Variants in PTPRD observed in about 807,000 individuals in gnomAD.
PTPRD encodes the protein protein tyrosine phosphatase receptor type D, also known as receptor-type tyrosine-protein phosphatase delta.
Under a neutral mutation model 214.5 loss-of-function variants are expected in PTPRD, and 34 were observed. The ratio of observed to expected loss-of-function variants is 0.16; its 90% confidence interval spans 0.12 to 0.21. PTPRD has a LOEUF of 0.21. Ranked by LOEUF, PTPRD falls within the 10% of genes least tolerant of loss-of-function variation. The probability of loss-of-function intolerance (pLI) is 1.00; values close to 1 mark genes in which losing one functional copy is unlikely to be tolerated. For synonymous variants in PTPRD, 1,128 were observed against 845.7 expected (o/e 1.33, Z -5.79); for missense variants, 2,545 against 2,398.7 (o/e 1.06, Z -1.27).
intron 3 of PTPRD, among the ~76,000 whole-genome samples, chr9:10,094,814 C>G (rs1445744072): frequency 6.6e-6 from 1 of 151,338 alleles, no homozygotes; most frequent in Admixed American, 6.6e-5. Context: ...TTTTGACAAC[C>G]AACAGTGAAA....
chr9:9,166,072 C>G (rs1444083208), intron 10 of PTPRD, among the ~76,000 whole-genome samples: 1 of 150,758 alleles, frequency 6.6e-6, no homozygotes, highest in African/African-American at 2.4e-5. Flanking sequence ...CTTTAACTCA[C>G]AAAACATAGT....
chr9:10,247,924 C>A lies in PTPRD; in HGVS notation c.-545+93039G>T, dbSNP rs73400329. 9.0e-3 allele frequency among the ~76,000 whole-genome samples: 1,372 copies of A among 152,108 alleles called. 15 individuals are homozygous for A. Among genetic ancestry groups the A allele is most frequent in the African/African-American group, 0.031 (1,302 of 41,498 alleles). On this transcript the variant is annotated intron_variant, in intron 3 of 45. Transcript: ENST00000381196. ...ATTCCTATGTGTTATGGGAGGGACC[C>A]AGTGATAGACGATTGAATTATGGGG...
intron 2 of PTPRD, among the ~76,000 whole-genome samples, chr9:10,544,413 T>C (rs1172986776): frequency 6.6e-6 from 1 of 152,042 alleles, no homozygotes; most frequent in Non-Finnish European, 1.5e-5. Flanking sequence ...CTTTTCATTG[T>C]TGCTTTTTTC....
intron 43 of PTPRD, among the ~76,000 whole-genome samples, chr9:8,335,719 G>T (rs974778618): frequency 1.2e-4 from 18 of 152,166 alleles, no homozygotes; most frequent in Admixed American, 3.3e-4. Context: ...GTTTGCAGAT[G>T]ACATGATTGT....
chr9:10,184,998 G>T (rs1339296593), intron 3 of PTPRD, among the ~76,000 whole-genome samples: 1 of 152,052 alleles, frequency 6.6e-6, no homozygotes, highest in Admixed American at 6.6e-5. Context: ...AACCTTTTGT[G>T]TAAAAAATCA....
chr9:9,974,351 G>C (rs910151595), intron 4 of PTPRD, among the ~76,000 whole-genome samples: 2 of 152,096 alleles, frequency 1.3e-5, no homozygotes, highest in African/African-American at 4.8e-5. Context: ...TCTGCACCAA[G>C]CCTTTCTCCT....
intron 11 of PTPRD, among the ~76,000 whole-genome samples, chr9:8,769,922 A>C (rs2095067688): frequency 6.6e-6 from 1 of 152,166 alleles, no homozygotes; most frequent in Non-Finnish European, 1.5e-5. Context: ...ATTCACGTAA[A>C]TAGGAATAAG....
At chr9:10,098,158 G>C (rs1260480223) in intron 3 of PTPRD, among the ~76,000 whole-genome samples, 9 of 151,600 alleles carry the variant, frequency 5.9e-5, no homozygotes, top group East Asian at 2.0e-4. Context: ...GAATACTATG[G>C]AGCCATAAAA....
chr9:9,928,620 T>G (rs2085189579), intron 5 of PTPRD, among the ~76,000 whole-genome samples: 4 of 152,160 alleles, frequency 2.6e-5, no homozygotes. Context: ...CCATTACTAC[T>G]GTTATTAGAA....
At chr9:9,394,335 T>A (rs975667069) in intron 9 of PTPRD, among the ~76,000 whole-genome samples, 1 of 152,150 alleles carries the variant, frequency 6.6e-6, no homozygotes, top group Non-Finnish European at 1.5e-5. Flanking sequence ...GAAGATATTT[T>A]ATTGCCTTTA....
intron 2 of PTPRD, among the ~76,000 whole-genome samples, chr9:10,362,996 A>T (rs941848755): frequency 1.3e-5 from 2 of 152,192 alleles, no homozygotes; most frequent in African/African-American, 4.8e-5. Flanking sequence ...TTGGAATAGA[A>T]GTCTGCTATT....
chr9:8,331,041 T>C (rs1006609798), intron 44 of PTPRD, among the ~76,000 whole-genome samples: 4 of 150,630 alleles, frequency 2.7e-5, no homozygotes, highest in African/African-American at 9.9e-5. Context: ...AGTTATAAAA[T>C]GCTCTAGAAA....
intron 7 of PTPRD, among the ~76,000 whole-genome samples, chr9:9,708,541 T>C (rs1191223891): frequency 1.3e-5 from 2 of 152,082 alleles, no homozygotes; most frequent in Non-Finnish European, 2.9e-5. Flanking sequence ...AGCTAATCAC[T>C]GTCATTGAGT....
chr9:10,149,717 C>G (rs1450170021), intron 3 of PTPRD, among the ~76,000 whole-genome samples: 1 of 151,718 alleles, frequency 6.6e-6, no homozygotes, highest in Non-Finnish European at 1.5e-5. Context: ...TGGCACAATA[C>G]CTTGTCTTTT....
chr9:9,246,803 C>A (rs115268564), intron 9 of PTPRD, among the ~76,000 whole-genome samples: 2 of 152,024 alleles, frequency 1.3e-5, no homozygotes, highest in Admixed American at 1.3e-4. Flanking sequence ...AATTTCTGGA[C>A]TGTGAAACTT....
At chr9:8,671,822 T>C (rs2097294040) in intron 12 of PTPRD, among the ~76,000 whole-genome samples, 2 of 152,276 alleles carry the variant, frequency 1.3e-5, no homozygotes, top group Admixed American at 6.5e-5. Context: ...GAACTGTATC[T>C]AGAAAGGACC....
At chr9:10,272,585 T>C (rs1374906508) in intron 3 of PTPRD, among the ~76,000 whole-genome samples, 1 of 152,208 alleles carries the variant, frequency 6.6e-6, no homozygotes, top group African/African-American at 2.4e-5. Context: ...AACCTATATA[T>C]TTTGTTAAGA....
chr9:10,600,917 AG>A (rs1470997570), intron 2 of PTPRD, among the ~76,000 whole-genome samples: 8 of 151,942 alleles, frequency 5.3e-5, no homozygotes, highest in Middle Eastern at 3.4e-3. Flanking sequence ...AACAGAGAAA[AG>A]GCAATTATAA....
At chr9:10,583,332 A>T (rs2072684138) in intron 2 of PTPRD, among the ~76,000 whole-genome samples, 2 of 147,858 alleles carry the variant, frequency 1.4e-5, no homozygotes, top group South Asian at 4.4e-4. Flanking sequence ...TTGACTAAGG[A>T]GGTAAGAGTC....
Sources: allele counts gnomAD v4.1 joint callset (sites outside exome capture counted in the v4.1 genomes callset), GRCh38; gene constraint gnomAD v4.1.1; transcripts MANE v1.5; gene names NCBI Gene and HGNC (gene_info 2026-07-23, HGNC 2026-07-21).